The following METTL23 variants were observed in gnomAD, a reference collection of about 807,000 sequenced individuals.
The protein encoded by METTL23 is methyltransferase 23, arginine, also known as histone-arginine methyltransferase METTL23.
Under a neutral mutation model 21.2 loss-of-function variants are expected in METTL23, and 24 were observed. The ratio of observed to expected loss-of-function variants is 1.13; its 90% confidence interval spans 0.82 to 1.59. The LOEUF is 1.59. Among genes scored for constraint, METTL23 ranks in the 40% most tolerant of loss-of-function variants. The pLI, the probability that METTL23 is intolerant of heterozygous loss-of-function variation, is 0.00. For missense variants in METTL23, 276 were observed against 221.4 expected (o/e 1.25, Z -1.57); for synonymous variants, 97 against 75.2 (o/e 1.29, Z -1.50).
chr17:76,733,357 G>A lies in METTL23; in HGVS notation c.387G>A (p.Trp129Ter), dbSNP rs770408972. The change falls in exon 4 of 5, where the codon TGG (tryptophan) becomes TGA (stop). Residue 129 changes from tryptophan to a stop codon, truncating the protein, a stop_gained. Transcript: ENST00000341249. LOFTEE classifies it high-confidence loss of function. ...LMHKNPKVQL[W>*]STYQVRSADW... ...ACAAGAATCCCAAGGTCCAATTGTG[G>A]TCTACTTATCAAGTTAGGAGGCAAG... The A allele has an allele frequency of 1.2e-6, 2 of 1,613,748 alleles. No individual in the cohort carries two copies. The highest frequency in any genetic ancestry group is 2.7e-5 in the African/African-American group (2 of 74,878).
At chr17:76,730,823 G>A (rs2077172270) in intron 2 of METTL23, among the ~76,000 whole-genome samples, 1 of 152,042 alleles carries the variant, frequency 6.6e-6, no homozygotes, top group African/African-American at 2.4e-5. Flanking sequence ...GAAAAAATTG[G>A]CTGGGCGTGG....
chr17:76,728,416 T>TTTTTTTTTTTTTTTTTTTG (rs1568008567), intron 1 of METTL23, among the ~76,000 whole-genome samples: 4 of 5,188 alleles, frequency 7.7e-4, no homozygotes, highest in African/African-American at 1.4e-3. Context: ...TCACGGATTT[T>TTTTTTTTTTTTTTTTTTTG]TTTTTTTTTT....
chr17:76,733,744 A>T lies in METTL23; in HGVS notation c.*58A>T. On this transcript the variant is annotated 3_prime_UTR_variant, in exon 5 of 5. Transcript: ENST00000341249. ...AATACTGATGAGCAACCTGGCACAC[A>T]AACTATGAGCAGACCACTTCAGCTT... 6.7e-7 allele frequency: 1 copy of T among 1,496,154 alleles called. No homozygotes were observed. Among genetic ancestry groups the T allele is most frequent in the East Asian group, 2.3e-5 (1 of 43,964 alleles). 92.7% of individuals were successfully genotyped at this position (1,496,154 alleles called of 1,614,324 possible).
chr17:76,733,234 A>G lies in METTL23; in HGVS notation c.322+19A>G, dbSNP rs1465985996. The G allele has an allele frequency of 3.0e-5, 49 of 1,613,022 alleles. No individual in the cohort carries two copies. Among genetic ancestry groups the G allele is most frequent in the South Asian group, 5.5e-5 (5 of 91,014 alleles). On this transcript the variant is annotated intron_variant, in intron 3 of 4. Transcript: ENST00000341249. ...CCAGAAGGTAAGCTTTTTTGGCTCAATAGTACATTTGGCCAGTGATGCTAT... is the reference window on the plus strand; with the variant it reads ...CCAGAAGGTAAGCTTTTTTGGCTCAGTAGTACATTTGGCCAGTGATGCTAT...
upstream of METTL23, chr17:76,726,449 G>A (rs764095363): frequency 6.9e-6 from 11 of 1,603,616 alleles, no homozygotes; most frequent in Non-Finnish European, 8.5e-6. Context: ...TGGCCTCGCG[G>A]ATGCGCTTCT....
upstream of METTL23, chr17:76,726,549 G>A (rs1279367534): frequency 4.7e-6 from 7 of 1,500,510 alleles, no homozygotes; most frequent in Admixed American, 4.6e-5. Flanking sequence ...ACCCCTCCCC[G>A]GCCTGGGCGG....
intron 2 of METTL23, among the ~76,000 whole-genome samples, chr17:76,731,472 C>T (rs935150992): frequency 6.6e-6 from 1 of 152,132 alleles, no homozygotes; most frequent in Non-Finnish European, 1.5e-5. Flanking sequence ...AGAACTCTGC[C>T]TTTATGTAAT....
chr17:76,733,440 G>A lies in METTL23; in HGVS notation c.407+63G>A, dbSNP rs188185607. The stretch of plus-strand genomic sequence containing the variant: ...AAGCCTTACTCTACCCTACCCATGC[G>A]ATACATAATTTAAGAATAGAATACA... On this transcript the variant is annotated intron_variant, in intron 4 of 4. Transcript: ENST00000341249. 443 of 1,596,608 alleles carry A rather than the reference G, an allele frequency of 2.8e-4. 1 individual carries two copies. In the Admixed American group the frequency reaches 6.3e-3, roughly 23 times the overall value.
At chr17:76,730,288 C>CAA (rs545846283) in intron 2 of METTL23, among the ~76,000 whole-genome samples, 3 of 130,920 alleles carry the variant, frequency 2.3e-5, no homozygotes, top group Admixed American at 7.8e-5. Context: ...GACTCCATCT[C>CAA]AAAAAAAAAA....
Position 76,733,007 on chromosome 17 carries a change from T to A in METTL23, c.114T>A (p.Ile38=). Residue 38 remains isoleucine, a synonymous_variant, in exon 3 of 5, where the codon ATT becomes ATA. Coordinates refer to ENST00000341249, the MANE Select transcript of METTL23 (RefSeq NM_001080510.5). Reference sequence around the variant, plus strand: ...GAGCTGGAGTGAGCCTTCCAGGAATTTTGGCTGCCAAATGTGGTGCAGAAG... The same window carrying A: ...GAGCTGGAGTGAGCCTTCCAGGAATATTGGCTGCCAAATGTGGTGCAGAAG... ...EIGAGVSLPG[I]LAAKCGAEVI... 6.3e-7 allele frequency: 1 copy of A among 1,587,102 alleles called. No homozygotes were observed. Among genetic ancestry groups the A allele is most frequent in the South Asian group, 1.1e-5 (1 of 87,454 alleles).
At position 76,733,080 on chromosome 17, in the gene METTL23, C is replaced by T. The variant is rs370752836; in HGVS notation, c.187C>T (p.Arg63Trp). ...ACTGCCTCACTGTCTGGAAGTCTGT[C>T]GGCAAAGCTGCCAAATGAATAACCT... ...SELPHCLEVC[R>W]QSCQMNNLPH... Residue 63 changes from arginine to tryptophan, a missense_variant, in exon 3 of 5, where the codon CGG (arginine) becomes TGG (tryptophan). Physicochemically the swap from Arg to Trp is moderately radical, Grantham distance 101. Transcript: ENST00000341249. The T allele has an allele frequency of 2.1e-5, 34 of 1,609,690 alleles. No individual in the cohort carries two copies. Among genetic ancestry groups the T allele is most frequent in the East Asian group, 1.1e-4 (5 of 44,808 alleles).
At position 76,733,516 on chromosome 17, in the gene METTL23, T is replaced by G. The variant is rs191098297; in HGVS notation, c.408-5T>G. On this transcript the variant is annotated splice_region_variant and splice_polypyrimidine_tract_variant and intron_variant, in intron 4 of 4. Coordinates refer to ENST00000341249, the MANE Select transcript of METTL23 (RefSeq NM_001080510.5). ...ACTTTAAAAGAACAACTTTTTTTTT[T>G]TAAGTGCTGACTGGTCACTTGAAGC... 1.8e-5 allele frequency: 28 copies of G among 1,598,858 alleles called. No individual in the cohort carries two copies. Among genetic ancestry groups the G allele is most frequent in the Non-Finnish European group, 1.7e-5 (20 of 1,175,314 alleles).
intron 1 of METTL23, among the ~76,000 whole-genome samples, chr17:76,728,495 C>T (rs1184949681): frequency 6.6e-6 from 1 of 151,544 alleles, no homozygotes; most frequent in Non-Finnish European, 1.5e-5. Flanking sequence ...ACTGCAACCT[C>T]CGCCTCGTGG....
At chr17:76,732,383 C>G (rs1015904472) in intron 2 of METTL23, among the ~76,000 whole-genome samples, 1 of 152,196 alleles carries the variant, frequency 6.6e-6, no homozygotes, top group Admixed American at 6.5e-5. Context: ...CGCCTGTAAT[C>G]CCAGCTACTT....
chr17:76,732,146 T>G (rs963127744), intron 2 of METTL23, among the ~76,000 whole-genome samples: 22 of 144,120 alleles, frequency 1.5e-4, no homozygotes, highest in Admixed American at 2.7e-4. Context: ...TCACTTGAGG[T>G]CAGGAGTTCA....
intron 2 of METTL23, among the ~76,000 whole-genome samples, chr17:76,731,801 A>C (rs2077217100): frequency 6.6e-6 from 1 of 152,192 alleles, no homozygotes; most frequent in South Asian, 2.1e-4. Flanking sequence ...TAGGGGTAGG[A>C]TTTGGCACAC....
chr17:76,726,202 G>T (rs1054819510), upstream of METTL23: 96 of 1,158,368 alleles, frequency 8.3e-5, no homozygotes, highest in Admixed American at 1.0e-4. Flanking sequence ...TCCGCGCCTC[G>T]GGGACCCCAA....
intron 1 of METTL23, among the ~76,000 whole-genome samples, chr17:76,728,423 T>TC (rs2077053853): frequency 8.5e-6 from 1 of 117,766 alleles, no homozygotes; most frequent in Non-Finnish European, 1.7e-5. Context: ...TTTTTTTTTT[T>TC]TTTTTTGGAG....
upstream of METTL23, chr17:76,726,487 G>C: frequency 6.3e-7 from 1 of 1,584,448 alleles, no homozygotes; most frequent in Non-Finnish European, 8.6e-7. Context: ...CTGCGGGGTC[G>C]CCAGCTGGTT....
Sources: gnomAD v4.1 joint callset for allele counts (sites outside exome capture counted in the v4.1 genomes callset) on GRCh38, gnomAD v4.1.1 for gene constraint, MANE v1.5 for transcripts, NCBI Gene and HGNC (gene_info 2026-07-23, HGNC 2026-07-21) for gene names.